Variants in STAB1 observed in about 807,000 individuals in gnomAD.
STAB1 encodes stabilin 1, also known as stabilin-1.
A neutral mutation model predicts 332.4 loss-of-function variants in STAB1; 250 were observed. The ratio of observed to expected loss-of-function variants is 0.75; its 90% CI spans 0.68 to 0.84. The LOEUF is 0.84. Ranked by LOEUF, STAB1 falls within the 40% of genes least tolerant of loss-of-function variation. STAB1 has a pLI of 0.00. For synonymous variants in STAB1, 1,475 were observed against 1,390.4 expected (o/e 1.06, Z -1.35); for missense variants, 3,249 against 3,489.7 (o/e 0.93, Z 1.74).
chr3:52,514,846 A>G lies in STAB1; in HGVS notation c.3807+17A>G. 6.2e-7 allele frequency: 1 copy of G among 1,612,820 alleles called. No homozygotes were observed. Among genetic ancestry groups the G allele is most frequent in the Non-Finnish European group, 8.5e-7 (1 of 1,179,964 alleles). On this transcript the variant is annotated intron_variant, in intron 35 of 68. Coordinates refer to ENST00000321725, the MANE Select transcript of STAB1 (RefSeq NM_015136.3). ...GCCCTGCGGGTGAGAGGCTGGGGCC[A>G]CAGGAAGGCCGGCACGGGAGTTCAG... is the stretch of plus-strand genomic sequence containing the variant.
chr3:52,522,283 C>T (rs1575369867), intron 59 of STAB1, 47 bp from the exon 60 acceptor site: 1 of 1,611,496 alleles, frequency 6.2e-7, no homozygotes, highest in South Asian at 1.1e-5. Context: ...GGCAGAACTT[C>T]CGACCTCTGA....
chr3:52,500,074 A>G (rs1048630811), intron 1 of STAB1, among the ~76,000 whole-genome samples: 2 of 151,898 alleles, frequency 1.3e-5, no homozygotes, highest in Non-Finnish European at 2.9e-5. Flanking sequence ...CCCTTTCTCA[A>G]AGACAAAAAA....
intron 2 of STAB1, 53 bp from the exon 3 acceptor site, chr3:52,501,585 G>C: frequency 6.7e-7 from 1 of 1,483,612 alleles, no homozygotes; most frequent in Admixed American, 2.0e-5. Flanking sequence ...GAGGCTGGGT[G>C]GGGGCTGTGC....
At chr3:52,500,463 C>T (rs1354203262) in intron 1 of STAB1, among the ~76,000 whole-genome samples, 2 of 152,264 alleles carry the variant, frequency 1.3e-5, no homozygotes, top group Admixed American at 6.5e-5. Context: ...AGCCCAGCCT[C>T]TCAGGGCCAG....
chr3:52,506,870 C>T lies in STAB1; in HGVS notation c.1989+20C>T, dbSNP rs1168056055. The T allele has an allele frequency of 1.2e-6, 2 of 1,611,126 alleles. No individual in the cohort carries two copies. Among genetic ancestry groups the T allele is most frequent in the African/African-American group, 2.7e-5 (2 of 74,928 alleles). On this transcript the variant is annotated intron_variant, in intron 18 of 68. Coordinates refer to ENST00000321725, the MANE Select transcript of STAB1 (RefSeq NM_015136.3). ...GTGGCGGTGAGCCTCGCCTGCACGG[C>T]CAGGGCCCTACTCACTAACCCCTGT...
At chr3:52,507,787 T>C in intron 19 of STAB1, 112 bp downstream of exon 19, 6 of 1,498,348 alleles carry the variant, frequency 4.0e-6, no homozygotes, top group Non-Finnish European at 5.5e-6. Flanking sequence ...AGATCACACC[T>C]GGAGGCTAAG....
chr3:52,515,629 C>A, intron 37 of STAB1, 123 bp downstream of exon 37: 1 of 998,052 alleles, frequency 1.0e-6, no homozygotes, highest in Non-Finnish European at 1.5e-6. Flanking sequence ...TAGGGTGAGG[C>A]CAGAACCCAG....
rs371669850 is a variant in STAB1 at position 52,522,250 on chromosome 3, G to A, written c.6465+20G>A. On this transcript the variant is annotated intron_variant, in intron 59 of 68. Transcript: ENST00000321725. Reference sequence around the variant, plus strand: ...GGCCTGGTGAGCAGGTGGGGGAACCGAGTAGCCAGGGTGGGGAGGCCTGGC... The same window carrying A: ...GGCCTGGTGAGCAGGTGGGGGAACCAAGTAGCCAGGGTGGGGAGGCCTGGC... 37 of 1,611,894 alleles carry A rather than the reference G, an allele frequency of 2.3e-5. No individual in the cohort carries two copies. The highest frequency in any genetic ancestry group is 2.1e-4 in the African/African-American group (16 of 75,048).
rs767673102 is a variant in STAB1 at position 52,512,598 on chromosome 3, G to T, written c.2982G>T (p.Glu994Asp). ...GFSCYGDIFR[E>D]LEANAHFSIF... ...CTCAGACTTTTCCCTTCCCTTAGGA[G>T]CTGGAGGCAAATGCCCACTTCTCCA... The change falls in exon 28 of 69, where the codon GAG becomes GAT. Residue 994 changes from glutamate to aspartate, a missense_variant and splice_region_variant. Coordinates refer to ENST00000321725, the MANE Select transcript of STAB1 (RefSeq NM_015136.3). 8.7e-6 allele frequency: 14 copies of T among 1,613,816 alleles called. No homozygotes were observed. Among genetic ancestry groups the T allele is most frequent in the African/African-American group, 1.3e-5 (1 of 74,940 alleles).
chr3:52,523,992 T>TG lies in STAB1; in HGVS notation c.7520dup (p.Phe2508LeufsTer11). On this transcript the variant is annotated frameshift_variant, in exon 67 of 69. Coordinates refer to ENST00000321725, the MANE Select transcript of STAB1 (RefSeq NM_015136.3). LOFTEE classifies it high-confidence loss of function. ...TACCTCCGTGCCCGAGGCAAGCCCA[T>TG]GGGCTTTGGCTTCTCTGCCTTCCAG... is the stretch of plus-strand genomic sequence containing the variant. 1 of 1,611,820 alleles carries TG rather than the reference T, an allele frequency of 6.2e-7. No homozygotes were observed. The highest frequency in any genetic ancestry group is 1.1e-5 in the South Asian group (1 of 90,992).
chr3:52,508,089 C>T (rs1709014993), intron 20 of STAB1, 63 bp downstream of exon 20: 2 of 1,551,480 alleles, frequency 1.3e-6, no homozygotes, highest in East Asian at 4.5e-5. Flanking sequence ...CTCGGGGGCC[C>T]CCAAGCTGGG....
At chr3:52,521,121 TG>T (rs1490917544) in intron 55 of STAB1, 116 bp downstream of exon 55, 3 of 1,310,578 alleles carry the variant, frequency 2.3e-6, no homozygotes, top group Non-Finnish European at 3.1e-6. Context: ...GAGCTCTGGG[TG>T]GTGAGTAGAT....
At chr3:52,516,612 G>C (rs1415653977) in intron 40 of STAB1, 25 bp downstream of exon 40, 3 of 1,612,598 alleles carry the variant, frequency 1.9e-6, no homozygotes, top group Non-Finnish European at 8.5e-7. Context: ...CCTGGGGCGG[G>C]TGGGTGAGTG....
intron 30 of STAB1, 71 bp from the exon 31 acceptor site, chr3:52,513,646 T>C: frequency 6.7e-7 from 1 of 1,493,996 alleles, no homozygotes; most frequent in Admixed American, 1.9e-5. Flanking sequence ...GCAGTCTCTC[T>C]GTTGGGGCTG....
Position 52,519,198 on chromosome 3 carries a change from C to G in STAB1, c.5035-66C>G, listed in dbSNP as rs565537238. 46 of 1,565,194 alleles carry G rather than the reference C, an allele frequency of 2.9e-5. No homozygotes were observed. The East Asian group carries it at 9.7e-4, about 33-fold the overall frequency. The stretch of plus-strand genomic sequence containing the variant: ...TGCCCAACCCAGGTTCAACCTCCAC[C>G]TCAGGCCCCGATAGCTTCCGAGCAC... On this transcript the variant is annotated intron_variant, in intron 48 of 68. Coordinates refer to ENST00000321725, the MANE Select transcript of STAB1 (RefSeq NM_015136.3).
At chr3:52,512,992 T>A (rs1195866098) in intron 29 of STAB1, 34 bp downstream of exon 29, 1 of 1,599,200 alleles carries the variant, frequency 6.3e-7, no homozygotes, top group Non-Finnish European at 8.5e-7. Flanking sequence ...TGGGAGGGGC[T>A]TCCTTGAGGG....
Position 52,520,784 on chromosome 3 carries a change from GCCTGACTCCTTTGGCCCAGGGCAGC to G in STAB1, c.5707-14_5717del, listed in dbSNP as rs2079047554. 2 of 1,612,632 alleles carry G rather than the reference GCCTGACTCCTTTGGCCCAGGGCAGC, an allele frequency of 1.2e-6. No homozygotes were observed. Among genetic ancestry groups the G allele is most frequent in the Non-Finnish European group, 1.7e-6 (2 of 1,180,022 alleles). On this transcript the variant is annotated splice_acceptor_variant and splice_polypyrimidine_tract_variant and coding_sequence_variant and intron_variant, in exon 55 of 69. Coordinates refer to ENST00000321725, the MANE Select transcript of STAB1 (RefSeq NM_015136.3). LOFTEE classifies it high-confidence loss of function. ...CCAAACTCAGAACCACCCAACTGCG[GCCTGACTCCTTTGGCCCAGGGCAGC>G]CCTGAGGCCTGCTGGCGCTTCTACC...
Position 52,512,584 on chromosome 3 carries a change from C to A in STAB1, c.2980-12C>A, listed in dbSNP as rs775225253. ...CCTGGTCCTGTGACCTCAGACTTTT[C>A]CCTTCCCTTAGGAGCTGGAGGCAAA... On this transcript the variant is annotated splice_polypyrimidine_tract_variant and intron_variant, in intron 27 of 68. Coordinates refer to ENST00000321725, the MANE Select transcript of STAB1 (RefSeq NM_015136.3). 11 of 1,613,790 alleles carry A rather than the reference C, an allele frequency of 6.8e-6. No individual in the cohort carries two copies. The South Asian group carries it at 9.9e-5, about 14-fold the overall frequency.
chr3:52,518,115 A>G (rs2078937124), intron 45 of STAB1, 112 bp downstream of exon 45: 1 of 1,513,176 alleles, frequency 6.6e-7, no homozygotes, highest in Non-Finnish European at 8.8e-7. Flanking sequence ...TGACCATGAC[A>G]CTGAGCCTGA....
Sources: gnomAD v4.1 joint callset for allele counts (sites outside exome capture counted in the v4.1 genomes callset) on GRCh38, gnomAD v4.1.1 for gene constraint, MANE v1.5 for transcripts, NCBI Gene and HGNC (gene_info 2026-07-23, HGNC 2026-07-21) for gene names.